C2orf68: variants seen among roughly 807,000 people sequenced by gnomAD.
The protein encoded by C2orf68 is UPF0561 protein C2orf68.
In C2orf68, 15 loss-of-function variants were observed where a neutral mutation model predicts 19.1. That is an observed-to-expected ratio of 0.79 (90% CI 0.53 to 1.21). The LOEUF (loss-of-function observed/expected upper bound fraction) is 1.21. Ranked by LOEUF, C2orf68 falls within the 50% of genes most tolerant of loss-of-function variation. The pLI is 0.00. For missense variants in C2orf68, 242 were observed against 226.6 expected, an observed-to-expected ratio of 1.07 and a Z score of -0.44; for synonymous variants, 98 against 91.0, an observed-to-expected ratio of 1.08 and a Z score of -0.44.
intron 2 of C2orf68, 49 bp from the exon 3 acceptor site, chr2:85,609,635 G>A (rs199984532): frequency 3.1e-6 from 5 of 1,607,932 alleles, no homozygotes; most frequent in African/African-American, 1.3e-5. Flanking sequence ...TGCTGCTGAA[G>A]GCCCTGTCCA....
rs1192116426 is a variant in C2orf68 at position 85,606,840 on chromosome 2, G to A, written c.*2105C>T. The A allele has an allele frequency of 6.7e-6, 1 of 150,132 alleles. No individual in the cohort carries two copies. Among genetic ancestry groups the A allele is most frequent in the Non-Finnish European group, 1.5e-5 (1 of 67,738 alleles). 9.3% of individuals were successfully genotyped at this position (150,132 alleles called of 1,614,324 possible). On this transcript the variant is annotated 3_prime_UTR_variant, in exon 4 of 4. Transcript: ENST00000306336. ...TCTGCTGCCCAGCCTGAAGTGCAGT[G>A]GTGTGATCTCGGCTCACTGCAACCT...
At chr2:85,611,588 G>C in intron 2 of C2orf68, 80 bp downstream of exon 2, 2 of 1,552,328 alleles carry the variant, frequency 1.3e-6, no homozygotes, top group Non-Finnish European at 1.7e-6. Context: ...GGAGTAAGAA[G>C]TGGTTTTTCC....
At chr2:85,611,622 C>T (rs1673533934) in intron 2 of C2orf68, 46 bp downstream of exon 2, 1 of 1,560,808 alleles carries the variant, frequency 6.4e-7, no homozygotes, top group South Asian at 1.2e-5. Context: ...GAGTGCGTTG[C>T]AGGAAGAGCG....
chr2:85,611,242 C>G (rs1293243151), intron 2 of C2orf68: 1 of 1,341,906 alleles, frequency 7.5e-7, no homozygotes, highest in Non-Finnish European at 9.5e-7. Flanking sequence ...AGTAATAATG[C>G]TTAACAAAAA....
chr2:85,611,820 G>C (rs200797297), intron 1 of C2orf68, 34 bp from the exon 2 acceptor site: 138 of 1,607,756 alleles, frequency 8.6e-5, no homozygotes, highest in Non-Finnish European at 1.1e-4. Flanking sequence ...AGGGACTGTC[G>C]GGCCGGGCCA....
chr2:85,611,532 C>T (rs948601156), intron 2 of C2orf68, 136 bp downstream of exon 2: 1 of 1,550,980 alleles, frequency 6.4e-7, no homozygotes, highest in Non-Finnish European at 8.7e-7. Flanking sequence ...GATTTGGGAG[C>T]GCTGAGGTGG....
At chr2:85,610,037 C>T (rs191081952) in intron 2 of C2orf68, among the ~76,000 whole-genome samples, 63 of 127,700 alleles carry the variant, frequency 4.9e-4, no homozygotes, top group Middle Eastern at 4.5e-3. Context: ...TTTTTTGAGA[C>T]GGAGTCTTGC....
chr2:85,611,641 G>A, intron 2 of C2orf68, 27 bp downstream of exon 2: 1 of 1,566,838 alleles, frequency 6.4e-7, no homozygotes, highest in Middle Eastern at 1.7e-4. Context: ...CGCGCGGGCT[G>A]GAGGCAGGCG....
At chr2:85,611,359 G>C in intron 2 of C2orf68, 1 of 1,445,088 alleles carries the variant, frequency 6.9e-7, no homozygotes. Context: ...TCATCGCTGT[G>C]CCAGACTTTC....
chr2:85,607,099 A>G lies in C2orf68; in HGVS notation c.*1846T>C, dbSNP rs1356140777. On this transcript the variant is annotated 3_prime_UTR_variant, in exon 4 of 4. Coordinates refer to ENST00000306336, the MANE Select transcript of C2orf68 (RefSeq NM_001013649.4). ...CTAAATTTTCAGGTGCCAAGCCCCC[A>G]AACTCCTCTTCTAGCCTTCTGAATT... 1.3e-5 allele frequency: 2 copies of G among 152,176 alleles called. No homozygotes were observed. The highest frequency in any genetic ancestry group is 4.8e-5 in the African/African-American group (2 of 41,428). The allele number at this position is 152,176 out of a possible 1,614,324, so 9.4% of individuals were successfully genotyped here. A position where few individuals can be genotyped will look rare whatever the true frequency, so the allele number is the denominator to read the frequency against.
intron 2 of C2orf68, 51 bp downstream of exon 2, chr2:85,611,617 C>A: frequency 6.4e-7 from 1 of 1,558,760 alleles, no homozygotes; most frequent in South Asian, 1.2e-5. Flanking sequence ...AAGGGGAGTG[C>A]GTTGCAGGAA....
Position 85,611,709 on chromosome 2 carries a change from G to A in C2orf68, c.185C>T (p.Pro62Leu), listed in dbSNP as rs1466576508. The A allele has an allele frequency of 1.8e-5, 28 of 1,592,342 alleles. No individual in the cohort carries two copies. The highest frequency in any genetic ancestry group is 2.2e-5 in the Non-Finnish European group (26 of 1,170,784). The change falls in exon 2 of 4, where the codon CCC (proline) becomes CTC (leucine). Residue 62 changes from proline (P) to leucine (L), a missense_variant. By Grantham distance (98) the Pro-to-Leu change is moderately conservative. Transcript: ENST00000306336. Reference protein sequence around the residue: ...RRRHTPAPTRPRKPDLQVYLP... With the variant: ...RRRHTPAPTRLRKPDLQVYLP... ...GTACACCTGCAGGTCTGGCTTGCGG[G>A]GCCGCGTCGGCGCGGGCGTGTGCCG...
Position 85,611,845 on chromosome 2 carries a change from T to G in C2orf68, c.107+33A>C, listed in dbSNP as rs762366488. 1.0e-5 allele frequency: 16 copies of G among 1,597,930 alleles called. No homozygotes were observed. The African/African-American group carries it at 2.2e-4, about 22-fold the overall frequency. On this transcript the variant is annotated intron_variant, in intron 1 of 3. Coordinates refer to ENST00000306336, the MANE Select transcript of C2orf68 (RefSeq NM_001013649.4). ...GGGCCGGGCCAGGCCAGGCCAGGAG[T>G]GGTGGCGGCGGCGGCGCAGGGCGGG...
At position 85,611,861 on chromosome 2, in the gene C2orf68, G is replaced by A. The variant is rs766085466; in HGVS notation, c.107+17C>T. 4 of 1,597,986 alleles carry A rather than the reference G, an allele frequency of 2.5e-6. No homozygotes were observed. The highest frequency in any genetic ancestry group is 2.7e-5 in the African/African-American group (2 of 74,390). Reference sequence around the variant, plus strand: ...GGCCAGGAGTGGTGGCGGCGGCGGCGCAGGGCGGGGCGGTACCGAGCGATC... The same window carrying A: ...GGCCAGGAGTGGTGGCGGCGGCGGCACAGGGCGGGGCGGTACCGAGCGATC... On this transcript the variant is annotated intron_variant, in intron 1 of 3. Coordinates refer to ENST00000306336, the MANE Select transcript of C2orf68 (RefSeq NM_001013649.4).
Position 85,609,024 on chromosome 2 carries a change from G to C in C2orf68, c.422C>G (p.Thr141Arg). The C allele has an allele frequency of 6.2e-7, 1 of 1,614,214 alleles. No individual in the cohort carries two copies. Among genetic ancestry groups the C allele is most frequent in the Non-Finnish European group, 8.5e-7 (1 of 1,180,040 alleles). Reference sequence around the variant, plus strand: ...TTCTCGCATGGGTGGATCCAGAGGCGTGTGTGCCGACACCTTCTCACTCAC... The same window carrying C: ...TTCTCGCATGGGTGGATCCAGAGGCCTGTGTGCCGACACCTTCTCACTCAC... The part of the protein sequence containing the change: ...GKVSEKVSAH[T>R]PLDPPMREAL... The change falls in exon 4 of 4, where the codon ACG becomes AGG. Residue 141 changes from threonine to arginine, a missense_variant. Physicochemically the swap from Thr to Arg is moderately conservative, Grantham distance 71. Coordinates refer to ENST00000306336, the MANE Select transcript of C2orf68 (RefSeq NM_001013649.4).
At chr2:85,611,553 AAG>A (rs1404737828) in intron 2 of C2orf68, 113 bp downstream of exon 2, 1 of 1,550,942 alleles carries the variant, frequency 6.4e-7, no homozygotes, top group African/African-American at 1.4e-5. Context: ...AGGTTCCGGA[AAG>A]AGACGAGATG....
rs1257609773 is a variant in C2orf68, at chr2:85,608,968, C to T, written c.478G>A (p.Ala160Thr). ...ALKLRIQEEIAKRQSQH is the reference protein window; with the variant it reads ...ALKLRIQEEITKRQSQH Reference sequence around the variant, plus strand: ...GGTCAGTGTTGGCTCTGGCGCTTTGCAATCTCCTCCTGGATACGCAACTTG... The same window carrying T: ...GGTCAGTGTTGGCTCTGGCGCTTTGTAATCTCCTCCTGGATACGCAACTTG... The change falls in exon 4 of 4, where the codon GCA becomes ACA. Residue 160 changes from alanine to threonine, a missense_variant. Physicochemically the swap from Ala to Thr is moderately conservative, Grantham distance 58. Coordinates refer to ENST00000306336, the MANE Select transcript of C2orf68 (RefSeq NM_001013649.4). 6.2e-7 allele frequency: 1 copy of T among 1,614,212 alleles called. No homozygotes were observed. Among genetic ancestry groups the T allele is most frequent in the Non-Finnish European group, 8.5e-7 (1 of 1,180,040 alleles).
Position 85,610,920 on chromosome 2 carries a change from G to A in C2orf68, c.226+748C>T, listed in dbSNP as rs376550825. The A allele has an allele frequency of 6.1e-3, 758 of 124,598 alleles. 6 individuals are homozygous for A. Among genetic ancestry groups the A allele is most frequent in the Middle Eastern group, 0.03 (8 of 266 alleles). 7.7% of individuals were successfully genotyped at this position (124,598 alleles called of 1,614,324 possible). ...ACTACAGGCGCCCACCACCACGCCC[G>A]GCTAATTTTTTGTATTTTTAGTAGA... is the stretch of plus-strand genomic sequence containing the variant. On this transcript the variant is annotated intron_variant, in intron 2 of 3. Transcript: ENST00000306336.
chr2:85,609,969 C>A (rs148334198), intron 2 of C2orf68, among the ~76,000 whole-genome samples: 30 of 151,062 alleles, frequency 2.0e-4, no homozygotes, highest in Non-Finnish European at 4.0e-4. Flanking sequence ...GCGTGAGCCA[C>A]TGCACCCAGC....
Sources: gnomAD v4.1 joint callset for allele counts (sites outside exome capture counted in the v4.1 genomes callset) on GRCh38, gnomAD v4.1.1 for gene constraint, MANE v1.5 for transcripts, NCBI Gene and HGNC (gene_info 2026-07-23, HGNC 2026-07-21) for gene names.